Variants in TIAM1 observed in about 807,000 individuals in gnomAD.
TIAM1 encodes the protein TIAM Rac1 associated GEF 1, also known as rho guanine nucleotide exchange factor TIAM1.
TIAM1 carries 65 observed loss-of-function variants against 163.5 expected under a neutral mutation model. That is an observed-to-expected ratio of 0.40 (90% CI 0.33 to 0.49). TIAM1 has a LOEUF of 0.49. TIAM1 is among the 20% of genes least tolerant of loss of function. The probability of loss-of-function intolerance (pLI) is 0.77; values close to 1 mark genes in which losing one functional copy is unlikely to be tolerated. For synonymous variants in TIAM1, 833 were observed against 810.1 expected, an observed-to-expected ratio of 1.03 and a Z score of -0.48; for missense variants, 1,789 against 2,044.7, an observed-to-expected ratio of 0.87 and a Z score of 2.41.
At chr21:31,469,662 A>C (rs562249813) in intron 1 of TIAM1, among the ~76,000 whole-genome samples, 1 of 151,958 alleles carries the variant, frequency 6.6e-6, no homozygotes, top group South Asian at 2.1e-4. Context: ...CCCCATTTCT[A>C]CTAAAAAAAG....
intron 25 of TIAM1, among the ~76,000 whole-genome samples, chr21:31,127,497 C>A (rs1340209408): frequency 6.6e-6 from 1 of 151,462 alleles, no homozygotes; most frequent in Non-Finnish European, 1.5e-5. Flanking sequence ...CAGCTCACTG[C>A]AACCTCTGCC....
chr21:31,321,334 C>CTGTTTGTT (rs112634900), intron 2 of TIAM1, among the ~76,000 whole-genome samples: 2,035 of 150,608 alleles, frequency 0.014, 40 homozygotes, highest in African/African-American at 0.046. Flanking sequence ...CCATGCTCTA[C>CTGTTTGTT]TGTTTGTTTG....
chr21:31,489,486 A>AG (rs2046387625), intron 1 of TIAM1, among the ~76,000 whole-genome samples: 10 of 89,828 alleles, frequency 1.1e-4, no homozygotes, highest in Admixed American at 7.1e-4. Context: ...GAGATGAAAG[A>AG]AAGAGAGAGA....
intron 22 of TIAM1, among the ~76,000 whole-genome samples, chr21:31,136,666 G>A (rs1290052877): frequency 6.6e-6 from 1 of 152,054 alleles, no homozygotes; most frequent in Non-Finnish European, 1.5e-5. Flanking sequence ...TACAAACTGG[G>A]GCTCTGAAAT....
chr21:31,238,898 G>A (rs1343351905), intron 6 of TIAM1, among the ~76,000 whole-genome samples: 1 of 152,096 alleles, frequency 6.6e-6, no homozygotes, highest in Non-Finnish European at 1.5e-5. Context: ...AACAAATGGG[G>A]TATACAACAC....
chr21:31,277,017 C>G (rs2146858745), intron 2 of TIAM1, 109 bp from the exon 3 acceptor site: 1 of 152,296 alleles, frequency 6.6e-6, no homozygotes, highest in Non-Finnish European at 1.5e-5. Context: ...TCCATGACGT[C>G]AACTTTTTGT....
intron 1 of TIAM1, among the ~76,000 whole-genome samples, chr21:31,545,966 C>A (rs73345657): frequency 0.037 from 5,639 of 152,006 alleles, 366 homozygotes; most frequent in African/African-American, 0.13. Context: ...TCTGATTATA[C>A]AAGTAACTAC....
chr21:31,178,709 T>C (rs2084880294), intron 15 of TIAM1, among the ~76,000 whole-genome samples: 1 of 152,174 alleles, frequency 6.6e-6, no homozygotes, highest in Admixed American at 6.5e-5. Context: ...GCTTTATTCC[T>C]GAGTCAGTCT....
chr21:31,546,627 T>A (rs1019272886), intron 1 of TIAM1, among the ~76,000 whole-genome samples: 10 of 151,244 alleles, frequency 6.6e-5, no homozygotes, highest in Middle Eastern at 3.4e-3. Flanking sequence ...GGTGGGCCCA[T>A]GTAATCAAAG....
At chr21:31,439,423 G>T (rs1264851620) in intron 2 of TIAM1, among the ~76,000 whole-genome samples, 1 of 152,146 alleles carries the variant, frequency 6.6e-6, no homozygotes, top group Non-Finnish European at 1.5e-5. Flanking sequence ...CCGGGTAGCT[G>T]GGATTACAGG....
At chr21:31,370,431 A>G (rs2076576762) in intron 2 of TIAM1, among the ~76,000 whole-genome samples, 1 of 152,166 alleles carries the variant, frequency 6.6e-6, no homozygotes, top group South Asian at 2.1e-4. Context: ...ATGAGAGCAT[A>G]TCTGTGATTC....
chr21:31,530,332 G>A (rs2047931439), intron 1 of TIAM1, among the ~76,000 whole-genome samples: 1 of 152,244 alleles, frequency 6.6e-6, no homozygotes, highest in Non-Finnish European at 1.5e-5. Context: ...AATTGAGGCT[G>A]AGACATTCAG....
chr21:31,166,980 C>T (rs538448035), intron 15 of TIAM1, among the ~76,000 whole-genome samples: 2 of 152,264 alleles, frequency 1.3e-5, no homozygotes, highest in African/African-American at 4.8e-5. Flanking sequence ...GTTGAACAAC[C>T]CATATACACT....
intron 1 of TIAM1, among the ~76,000 whole-genome samples, chr21:31,521,745 A>ACACACACACACACACACAC (rs2047595411): frequency 3.4e-5 from 5 of 146,862 alleles, no homozygotes; most frequent in Non-Finnish European, 6.0e-5. Flanking sequence ...CTCACACACA[A>ACACACACACACACACACAC]ACACACACAC....
intron 2 of TIAM1, among the ~76,000 whole-genome samples, chr21:31,288,504 A>G (rs998256962): frequency 1.3e-5 from 2 of 152,124 alleles, no homozygotes; most frequent in Non-Finnish European, 2.9e-5. Context: ...TAAGGGCACG[A>G]ATCCCATTTA....
At chr21:31,423,078 G>C (rs1179679406) in intron 2 of TIAM1, among the ~76,000 whole-genome samples, 2 of 141,778 alleles carry the variant, frequency 1.4e-5, no homozygotes, top group East Asian at 4.5e-4. Context: ...AGAGAACTGT[G>C]AACAGCACTA....
At chr21:31,150,384 C>T (rs2083320863) in intron 19 of TIAM1, among the ~76,000 whole-genome samples, 1 of 152,086 alleles carries the variant, frequency 6.6e-6, no homozygotes, top group South Asian at 2.1e-4. Context: ...TAGATTCCTG[C>T]AAGTGTTAGA....
chr21:31,302,779 T>G (rs113741814), intron 2 of TIAM1, among the ~76,000 whole-genome samples: 166 of 152,340 alleles, frequency 1.1e-3, no homozygotes, highest in African/African-American at 3.5e-3. Context: ...GAAAAGATCA[T>G]TATGATGTAG....
At chr21:31,332,190 G>A (rs181461521) in intron 2 of TIAM1, among the ~76,000 whole-genome samples, 202 of 152,190 alleles carry the variant, frequency 1.3e-3, no homozygotes, top group East Asian at 2.5e-3. Context: ...AAGTTAACAC[G>A]GTATTTTAAA....
Sources: gnomAD v4.1 joint callset for allele counts (sites outside exome capture counted in the v4.1 genomes callset) on GRCh38, gnomAD v4.1.1 for gene constraint, MANE v1.5 for transcripts, NCBI Gene and HGNC (gene_info 2026-07-23, HGNC 2026-07-21) for gene names.